Variants in AHNAK2 observed in about 807,000 individuals in gnomAD.
The protein encoded by AHNAK2 is protein AHNAK2.
A neutral mutation model predicts 30.7 loss-of-function variants in AHNAK2; 18 were observed. The ratio of observed to expected loss-of-function variants is 0.59; its 90% confidence interval spans 0.41 to 0.87. AHNAK2 has a LOEUF of 0.87. AHNAK2 is among the 40% of genes least tolerant of loss of function. The pLI is 0.00. For synonymous variants in AHNAK2, 3,590 were observed against 3,073.8 expected (o/e 1.17, Z -5.56); for missense variants, 8,604 against 7,373.0 (o/e 1.17, Z -6.11).
At chr14:104,970,463 G>C in intron 1 of AHNAK2, 1 of 985,474 alleles carries the variant, frequency 1.0e-6, no homozygotes, top group Non-Finnish European at 1.2e-6. Context: ...TACCAAGGAA[G>C]CTACAGACGC....
chr14:104,947,575 C>G lies in AHNAK2; in HGVS notation c.7876G>C (p.Asp2626His). ...VDVQAPRAKL[D>H]GARLEGDLSL... is the part of the protein sequence containing the mutation. ...AGGTCCCCCTCCAGCCGCGCACCAT[C>G]CAGCTTTGCTCTCGGGGCCTGGACG... is the stretch of plus-strand genomic sequence containing the variant. The change falls in exon 7 of 7, where the codon GAT becomes CAT. Residue 2626 changes from aspartate (D) to histidine (H), a missense_variant. Physicochemically the swap from Asp to His is moderately conservative, Grantham distance 81. Transcript: ENST00000333244. 1.9e-6 allele frequency: 3 copies of G among 1,613,096 alleles called. No homozygotes were observed. In the South Asian group the frequency reaches 3.3e-5, roughly 18 times the overall value.
chr14:104,975,989 C>T (rs939218491), intron 1 of AHNAK2, among the ~76,000 whole-genome samples: 28 of 152,214 alleles, frequency 1.8e-4, no homozygotes, highest in African/African-American at 6.8e-4. Flanking sequence ...AGAGAAGAGA[C>T]CACCCACACA....
At chr14:104,956,329 C>T (rs1161332683) in intron 4 of AHNAK2, among the ~76,000 whole-genome samples, 1 of 152,144 alleles carries the variant, frequency 6.6e-6, no homozygotes, top group Non-Finnish European at 1.5e-5. Flanking sequence ...ACAGCCAGGT[C>T]TACCTGGCCA....
intron 1 of AHNAK2, among the ~76,000 whole-genome samples, chr14:104,973,778 C>T (rs1413474157): frequency 6.6e-6 from 1 of 152,234 alleles, no homozygotes. Flanking sequence ...GAGTCCCTCC[C>T]AAGAGCTCTG....
Position 104,939,344 on chromosome 14 carries a change from A to G in AHNAK2, c.16107T>C (p.Ser5369=). The G allele has an allele frequency of 6.2e-7, 1 of 1,613,764 alleles. No homozygotes were observed. Among genetic ancestry groups the G allele is most frequent in the South Asian group, 1.1e-5 (1 of 91,090 alleles). The part of the protein sequence containing the change: ...ASSTDMPSQI[S]VVNVDQLWED... Reference sequence around the variant, plus strand: ...CCCACAGTTGATCCACATTAACCACAGAAATCTGGGATGGCATATCAGTAC... The same window carrying G: ...CCCACAGTTGATCCACATTAACCACGGAAATCTGGGATGGCATATCAGTAC... The change falls in exon 7 of 7, where the codon TCT becomes TCC. Residue 5369 remains serine (S), a synonymous_variant. Transcript: ENST00000333244.
Position 104,950,389 on chromosome 14 carries a change from C to A in AHNAK2, c.5062G>T (p.Val1688Leu). 6.3e-7 allele frequency: 1 copy of A among 1,586,836 alleles called. No homozygotes were observed. The highest frequency in any genetic ancestry group is 8.6e-7 in the Non-Finnish European group (1 of 1,162,916). The change falls in exon 7 of 7, where the codon GTG becomes TTG. Residue 1688 changes from valine to leucine, a missense_variant. By Grantham distance (32) the Val-to-Leu change is conservative (BLOSUM62 1). Coordinates refer to ENST00000333244, the MANE Select transcript of AHNAK2 (RefSeq NM_138420.4). ...GAGGGGAGGCTCACATCAGCTTCCA[C>A]CTTCGGCTCAGACACATCCACCGAG... ...EASVDVSEPK[V>L]EADVSLPSMQ... is the part of the protein sequence containing the mutation.
In AHNAK2 at chr14:104,942,649, C is replaced by G. The variant is rs758676608; in HGVS notation, c.12802G>C (p.Val4268Leu). The G allele has an allele frequency of 1.9e-6, 3 of 1,612,514 alleles. No individual in the cohort carries two copies. The Admixed American group carries it at 5.0e-5, about 27-fold the overall frequency. Residue 4268 changes from valine (V) to leucine (L), a missense_variant, in exon 7 of 7, where the codon GTC becomes CTC. Physicochemically the swap from Val to Leu is conservative, Grantham distance 32. Transcript: ENST00000333244. ...TCCAGCTTGGCTCCCGGGGCCTCGACGTCCACCTCCATGCTGGGCAGAGAC... is the reference window on the plus strand; with the variant it reads ...TCCAGCTTGGCTCCCGGGGCCTCGAGGTCCACCTCCATGCTGGGCAGAGAC... ...EVSLPSMEVD[V>L]EAPGAKLDSV...
Position 104,938,578 on chromosome 14 carries a change from G to T in AHNAK2, c.16873C>A (p.Pro5625Thr). ...PPDDSQEATT[P>T]LADEGRAPKD... ...GGAGCCCTGCCTTCATCTGCCAGTG[G>T]TGTGGTTGCCTCTTGGCTATCATCA... Residue 5625 changes from proline (P) to threonine (T), a missense_variant, in exon 7 of 7, where the codon CCA (proline) becomes ACA (threonine). Transcript: ENST00000333244. The T allele has an allele frequency of 6.2e-7, 1 of 1,613,290 alleles. No homozygotes were observed. The highest frequency in any genetic ancestry group is 8.5e-7 in the Non-Finnish European group (1 of 1,179,762).
rs777735794 is a variant in AHNAK2 at position 104,956,655 on chromosome 14, C to A, written c.248G>T (p.Arg83Ile). The A allele has an allele frequency of 7.1e-5, 114 of 1,613,896 alleles. 3 individuals are homozygous for A. The South Asian group carries it at 1.2e-3, about 17-fold the overall frequency. ...DAPGRQGSAGRRRSWWKRDSG... is the reference protein window; with the variant it reads ...DAPGRQGSAGIRRSWWKRDSG... The stretch of plus-strand genomic sequence containing the variant: ...ATCTCGCTTCCACCAGGATCTCCGT[C>A]TCCCAGCAGAACCTTGCCTGCCGGG... Residue 83 changes from arginine (R) to isoleucine (I), a missense_variant, in exon 4 of 7, where the codon AGA becomes ATA. By Grantham distance (97) the Arg-to-Ile change is moderately conservative. Transcript: ENST00000333244.
At position 104,941,438 on chromosome 14, in the gene AHNAK2, AAC is replaced by A. The variant is rs1398629142; in HGVS notation, c.14011_14012del (p.Val4671CysfsTer3). ...GATCATGAAGATCACCTTCATGAAC[AAC>A]AGATTCCACAATGGGAAATGTGGAA... The part of the protein sequence containing the change: ...KTSTFPIVES[V>X]VHEGDLHDPS... On this transcript the variant is annotated frameshift_variant, in exon 7 of 7. Coordinates refer to ENST00000333244, the MANE Select transcript of AHNAK2 (RefSeq NM_138420.4). LOFTEE classifies it low-confidence loss of function (END_TRUNC). The A allele has an allele frequency of 6.2e-7, 1 of 1,612,820 alleles. No individual in the cohort carries two copies. Among genetic ancestry groups the A allele is most frequent in the African/African-American group, 1.3e-5 (1 of 75,062 alleles).
Position 104,954,265 on chromosome 14 carries a change from G to A in AHNAK2, c.1186C>T (p.Pro396Ser). ...EVMPAQSMPL[P>S]TELGDPRLCE... ...AGTCTAGGGTCACCGAGCTCTGTGG[G>A]CAATGGCATGCTCTGAGCAGGCATC... The change falls in exon 7 of 7, where the codon CCC becomes TCC. Residue 396 changes from proline to serine, a missense_variant. Physicochemically the swap from Pro to Ser is moderately conservative, Grantham distance 74 (BLOSUM62 -1). Transcript: ENST00000333244. The surrounding 1 kb of genome is among the most constrained non-coding windows in gnomAD (Gnocchi z 4.3). The A allele has an allele frequency of 6.2e-7, 1 of 1,613,168 alleles. No individual in the cohort carries two copies. The highest frequency in any genetic ancestry group is 8.5e-7 in the Non-Finnish European group (1 of 1,179,882).
chr14:104,965,676 TCCCTATCCTTTGGGGTGG>T (rs1376166198), intron 1 of AHNAK2, among the ~76,000 whole-genome samples: 9 of 152,276 alleles, frequency 5.9e-5, no homozygotes, highest in Non-Finnish European at 1.3e-4. Context: ...AAGGAGCATG[TCCCTATCCTTTGGGGTGG>T]TGTGCTGGCC....
At position 104,953,659 on chromosome 14, in the gene AHNAK2, T is replaced by C. The variant is rs766345715; in HGVS notation, c.1792A>G (p.Thr598Ala). The change falls in exon 7 of 7, where the codon ACA (threonine) becomes GCA (alanine). Residue 598 changes from threonine (T) to alanine (A), a missense_variant. By Grantham distance (58) the Thr-to-Ala change is moderately conservative. Coordinates refer to ENST00000333244, the MANE Select transcript of AHNAK2 (RefSeq NM_138420.4). ...PSLGWSPSKH[T>A]KTGREKATED... ...GTGGCTTTTTCTCTGCCTGTCTTTG[T>C]GTGCTTGCTTGGCGACCATCCTAAG... The C allele has an allele frequency of 6.2e-7, 1 of 1,613,936 alleles. No individual in the cohort carries two copies. The highest frequency in any genetic ancestry group is 2.2e-5 in the East Asian group (1 of 44,878).
chr14:104,954,002 C>T lies in AHNAK2; in HGVS notation c.1449G>A (p.Arg483=), dbSNP rs777772167. The change falls in exon 7 of 7, where the codon AGG becomes AGA. Residue 483 remains arginine, a synonymous_variant. Coordinates refer to ENST00000333244, the MANE Select transcript of AHNAK2 (RefSeq NM_138420.4). The surrounding 1 kb of genome is among the most constrained non-coding windows in gnomAD (Gnocchi z 4.3). ...GGTQIGPPEI[R]VRVHDLKTPK... ...GTGTCTTTAAATCGTGTACTCGCAC[C>T]CTAATTTCTGGTGGGCCAATCTGTG... is the stretch of plus-strand genomic sequence containing the variant. 1.2e-6 allele frequency: 2 copies of T among 1,613,644 alleles called. No homozygotes were observed. The highest frequency in any genetic ancestry group is 1.7e-5 in the Admixed American group (1 of 59,998).
intron 1 of AHNAK2, chr14:104,970,376 C>T: frequency 5.2e-6 from 5 of 965,162 alleles, no homozygotes; most frequent in Non-Finnish European, 4.9e-6. Flanking sequence ...GCCCCCCTTG[C>T]TGGTGGCCTG....
In AHNAK2 at chr14:104,978,173, A is replaced by AG; in HGVS notation, c.55+9dup. 1 of 1,210,766 alleles carries AG rather than the reference A, an allele frequency of 8.3e-7. No homozygotes were observed. Among genetic ancestry groups the AG allele is most frequent in the East Asian group, 3.4e-5 (1 of 29,782 alleles). 75.0% of individuals were successfully genotyped at this position (1,210,766 alleles called of 1,614,324 possible). Reference sequence around the variant, plus strand: ...CCAGGGGAGCGGGCTGCAGGCGGGGAGGGGCGCACCGCTGCCGGGGGTTCC... The same window carrying AG: ...CCAGGGGAGCGGGCTGCAGGCGGGGAGGGGGCGCACCGCTGCCGGGGGTTCC... On this transcript the variant is annotated intron_variant, in intron 1 of 6. Transcript: ENST00000333244.
At chr14:104,958,464 A>G (rs1001597345) in intron 1 of AHNAK2, among the ~76,000 whole-genome samples, 4 of 152,172 alleles carry the variant, frequency 2.6e-5, no homozygotes, top group African/African-American at 7.2e-5. Context: ...GAAAAAAAAA[A>G]GTTTGTTCAA....
At position 104,953,876 on chromosome 14, in the gene AHNAK2, A is replaced by T. The variant is rs1898883178; in HGVS notation, c.1575T>A (p.Thr525=). The T allele has an allele frequency of 6.2e-7, 1 of 1,613,876 alleles. No homozygotes were observed. The highest frequency in any genetic ancestry group is 1.3e-5 in the African/African-American group (1 of 75,004). The change falls in exon 7 of 7, where the codon ACT becomes ACA. Residue 525 remains threonine, a synonymous_variant. Coordinates refer to ENST00000333244, the MANE Select transcript of AHNAK2 (RefSeq NM_138420.4). ...KRQDASSKAG[T]GLKGEEVEGA... is the part of the protein sequence containing the mutation. The stretch of plus-strand genomic sequence containing the variant: ...CTTCCACCTCCTCACCCTTCAGGCC[A>T]GTACCCGCTTTTGAGGACGCATCCT...
chr14:104,970,005 A>G (rs184446749), intron 1 of AHNAK2, among the ~76,000 whole-genome samples: 1 of 152,184 alleles, frequency 6.6e-6, no homozygotes, highest in Non-Finnish European at 1.5e-5. Context: ...AAGCAAGCAC[A>G]CGGTCATCTG....
Sources: gnomAD v4.1 joint callset for allele counts (sites outside exome capture counted in the v4.1 genomes callset) on GRCh38, gnomAD v4.1.1 for gene constraint, Gnocchi (gnomAD v3.1) non-coding constraint, MANE v1.5 for transcripts, NCBI Gene and HGNC (gene_info 2026-07-23, HGNC 2026-07-21) for gene names.